The following PCDH15 variants were observed in gnomAD, a reference collection of about 807,000 sequenced individuals.
PCDH15 encodes the protein protocadherin related 15.
PCDH15 carries 129 observed loss-of-function variants against 178.5 expected under a neutral mutation model. The ratio of observed to expected loss-of-function variants is 0.72; its 90% confidence interval spans 0.63 to 0.84. The LOEUF (loss-of-function observed/expected upper bound fraction) is 0.84. Ranked by LOEUF, PCDH15 falls within the 40% of genes least tolerant of loss-of-function variation. The pLI is 0.00. For missense variants in PCDH15, 2,230 were observed against 2,099.9 expected (o/e 1.06, Z -1.21); for synonymous variants, 800 against 732.0 (o/e 1.09, Z -1.50).
In PCDH15 at chr10:55,520,067, TGGCATATATATATAA is replaced by T. The variant is rs1398558570; in HGVS notation, c.-156+107543_-156+107557del. Among the ~76,000 whole-genome samples, 4 of 144,546 alleles carry T rather than the reference TGGCATATATATATAA, an allele frequency of 2.8e-5. No individual in the cohort carries two copies. The East Asian group carries it at 6.1e-4, about 22-fold the overall frequency. The allele number at this position is 144,546 out of a possible 152,430, so 94.8% of individuals were successfully genotyped here. A position where few individuals can be genotyped will look rare whatever the true frequency, so the allele number is the denominator to read the frequency against. On this transcript the variant is annotated intron_variant, in intron 2 of 5. Coordinates refer to the PCDH15 transcript ENST00000613346. ...ATACATATATATATATACATATATATGGCATATATATATAAGGCATATATATGTATATATATACAC... is the reference window on the plus strand; with the variant it reads ...ATACATATATATATATACATATATATGGCATATATATGTATATATATACAC...
At chr10:54,112,003 C>T (rs1490965784) in intron 15 of PCDH15, among the ~76,000 whole-genome samples, 6 of 148,416 alleles carry the variant, frequency 4.0e-5, no homozygotes, top group African/African-American at 7.5e-5. Context: ...CTTAGCTTAG[C>T]GTGGTGGTGG....
intron 2 of PCDH15, among the ~76,000 whole-genome samples, chr10:54,637,965 A>T (rs1363731570): frequency 1.3e-5 from 2 of 152,074 alleles, no homozygotes; most frequent in African/African-American, 4.8e-5. Context: ...GATCTACTTG[A>T]CTAATTAGTA....
intron 3 of PCDH15, among the ~76,000 whole-genome samples, chr10:54,841,906 T>A (rs1261113984): frequency 1.3e-5 from 2 of 152,006 alleles, no homozygotes; most frequent in South Asian, 2.1e-4. Flanking sequence ...TCTAGACTGA[T>A]AATTACCTGA....
chr10:54,067,524 C>A (rs753519247), intron 17 of PCDH15, among the ~76,000 whole-genome samples: 6 of 152,098 alleles, frequency 3.9e-5, no homozygotes, highest in African/African-American at 1.4e-4. Flanking sequence ...CCCTGGCCTG[C>A]TGCAGTCAAT....
Position 54,801,172 on chromosome 10 carries a change from C to CAT in PCDH15, c.-277_-276insAT, listed in dbSNP as rs1952627085. ...TCAACATGTTAACTCAGAAAGCATA[C>CAT]CATCATTCTCCACGTTCTGAGATGT... On this transcript the variant is annotated 5_prime_UTR_variant, in exon 1 of 38. It adds an upstream start codon to the 5' untranslated region. Coordinates refer to ENST00000644397, the MANE Select transcript of PCDH15 (RefSeq NM_001384140.1). 6.6e-6 allele frequency: 1 copy of CAT among 152,146 alleles called. No homozygotes were observed. The highest frequency in any genetic ancestry group is 2.4e-5 in the African/African-American group (1 of 41,424). The allele number at this position is 152,146 out of a possible 1,614,324, so 9.4% of individuals were successfully genotyped here. A position where few individuals can be genotyped will look rare whatever the true frequency, so the allele number is the denominator to read the frequency against.
chr10:55,232,750 C>T (rs1841261978), intron 1 of PCDH15, among the ~76,000 whole-genome samples: 1 of 152,078 alleles, frequency 6.6e-6, no homozygotes, highest in South Asian at 2.1e-4. Flanking sequence ...AGACTGCCTC[C>T]ACTTAGTAGC....
intron 1 of PCDH15, among the ~76,000 whole-genome samples, chr10:55,265,149 G>A (rs1234043156): frequency 1.3e-5 from 2 of 151,906 alleles, no homozygotes; most frequent in African/African-American, 4.8e-5. Flanking sequence ...TCTCACTCTT[G>A]CCCCTCCAAC....
chr10:55,136,158 T>A (rs1442138394), intron 2 of PCDH15, among the ~76,000 whole-genome samples: 1 of 152,124 alleles, frequency 6.6e-6, no homozygotes, highest in Admixed American at 6.6e-5. Context: ...TATGTAAATA[T>A]AATAAATGAA....
chr10:54,211,380 T>C (rs2051407425), intron 10 of PCDH15, among the ~76,000 whole-genome samples: 1 of 152,174 alleles, frequency 6.6e-6, no homozygotes, highest in Non-Finnish European at 1.5e-5. Context: ...ATTACAATTA[T>C]ATAAAATTTA....
chr10:54,469,628 G>C (rs2136651634), intron 3 of PCDH15, among the ~76,000 whole-genome samples: 1 of 152,260 alleles, frequency 6.6e-6, no homozygotes, highest in East Asian at 1.9e-4. Flanking sequence ...AATTTTCAGG[G>C]CTGCATACAC....
intron 20 of PCDH15, among the ~76,000 whole-genome samples, chr10:54,011,156 T>A (rs1224044489): frequency 6.6e-6 from 1 of 152,134 alleles, no homozygotes; most frequent in Non-Finnish European, 1.5e-5. Flanking sequence ...GTTTTGAGTT[T>A]CCCTCAGGTT....
chr10:54,309,435 T>C (rs952022716), intron 8 of PCDH15, among the ~76,000 whole-genome samples: 18 of 152,076 alleles, frequency 1.2e-4, no homozygotes, highest in Non-Finnish European at 2.4e-4. Context: ...ATATTTATAT[T>C]CAATGACTTA....
chr10:55,105,864 T>G (rs1377867063), intron 2 of PCDH15, among the ~76,000 whole-genome samples: 1 of 152,094 alleles, frequency 6.6e-6, no homozygotes, highest in Non-Finnish European at 1.5e-5. Context: ...CTTAAATGGA[T>G]ATTCTGAGAT....
At chr10:54,789,634 G>A (rs1224035406) in intron 1 of PCDH15, among the ~76,000 whole-genome samples, 1 of 151,866 alleles carries the variant, frequency 6.6e-6, no homozygotes, top group Non-Finnish European at 1.5e-5. Context: ...GCATATTGAT[G>A]TTTAAATTCC....
intron 3 of PCDH15, among the ~76,000 whole-genome samples, chr10:54,506,694 C>T (rs1008230267): frequency 2.6e-5 from 4 of 151,792 alleles, no homozygotes; most frequent in African/African-American, 9.7e-5. Flanking sequence ...AAAAACTGGA[C>T]TGAAAAAACA....
intron 2 of PCDH15, among the ~76,000 whole-genome samples, chr10:54,643,331 C>T (rs965711035): frequency 1.4e-4 from 21 of 152,172 alleles, no homozygotes; most frequent in Admixed American, 1.2e-3. Flanking sequence ...TTCTAAACCT[C>T]AACTCTGAAA....
intron 2 of PCDH15, among the ~76,000 whole-genome samples, chr10:55,132,089 A>G (rs1365019452): frequency 2.6e-5 from 4 of 152,098 alleles, no homozygotes; most frequent in Non-Finnish European, 5.9e-5. Context: ...TGGAAGGGGG[A>G]ATGAGTTCAG....
Position 53,822,678 on chromosome 10 carries a change from A to C in PCDH15, c.4368-2448T>G, listed in dbSNP as rs727504812. On this transcript the variant is annotated intron_variant, in intron 32 of 37. Transcript: ENST00000644397. ...ACTGATGACATTAGGTTCTGATTTGAGTTCCACAGTTCTTGAAACAGTTGG... is the reference window on the plus strand; with the variant it reads ...ACTGATGACATTAGGTTCTGATTTGCGTTCCACAGTTCTTGAAACAGTTGG... 2.5e-5 allele frequency: 40 copies of C among 1,613,928 alleles called. No homozygotes were observed. In the Admixed American group the frequency reaches 6.5e-4, roughly 26 times the overall value.
At chr10:54,160,184 C>T (rs2045568483) in intron 13 of PCDH15, among the ~76,000 whole-genome samples, 1 of 152,026 alleles carries the variant, frequency 6.6e-6, no homozygotes, top group South Asian at 2.1e-4. Context: ...TTCATGCCCC[C>T]CCCAACAAGC....
Sources: allele counts gnomAD v4.1 joint callset (sites outside exome capture counted in the v4.1 genomes callset), GRCh38; gene constraint gnomAD v4.1.1; transcripts MANE v1.5; gene names NCBI Gene and HGNC (gene_info 2026-07-23, HGNC 2026-07-21).